The following SPATC1 variants were observed in gnomAD, a reference collection of about 807,000 sequenced individuals.
SPATC1 encodes speriolin.
Under a neutral mutation model 36.5 loss-of-function variants are expected in SPATC1, and 35 were observed. The observed-to-expected ratio is 0.96, with a 90% CI of 0.73 to 1.27. The LOEUF is 1.27. Ranked by LOEUF, SPATC1 falls within the 50% of genes most tolerant of loss-of-function variation. The pLI, the probability that SPATC1 is intolerant of heterozygous loss-of-function variation, is 0.00. For synonymous variants in SPATC1, 361 were observed against 353.6 expected, an observed-to-expected ratio of 1.02 and a Z score of -0.24; for missense variants, 779 against 796.0, an observed-to-expected ratio of 0.98 and a Z score of 0.26.
intron 1 of SPATC1, among the ~76,000 whole-genome samples, chr8:144,035,442 G>T (rs1186232245): frequency 3.3e-5 from 5 of 152,360 alleles, no homozygotes; most frequent in Admixed American, 1.3e-4. Flanking sequence ...CGGCGCCATT[G>T]TTCCTTCTGT....
chr8:144,041,213 C>T lies in SPATC1; in HGVS notation c.1307-19C>T, dbSNP rs372426257. 1.2e-4 allele frequency: 198 copies of T among 1,612,662 alleles called. No homozygotes were observed. In the African/African-American group the frequency reaches 2.1e-3, roughly 17 times the overall value. ...CCTCTCACCCTCTCACCTGGGCTGA[C>T]GAGACCCTGTGTCCCCAGAGTCGAA... On this transcript the variant is annotated intron_variant, in intron 3 of 4. Transcript: ENST00000377470.
At chr8:144,038,125 CAA>C (rs369259902) in intron 1 of SPATC1, among the ~76,000 whole-genome samples, 6 of 100,740 alleles carry the variant, frequency 6.0e-5, no homozygotes, top group African/African-American at 8.3e-5. Flanking sequence ...GACTCTGTCT[CAA>C]AAAAAAAAAA....
At chr8:144,028,733 A>G (rs1184498840) in intron 1 of SPATC1, among the ~76,000 whole-genome samples, 3 of 152,212 alleles carry the variant, frequency 2.0e-5, no homozygotes, top group Non-Finnish European at 4.4e-5. Flanking sequence ...AAATCATTCT[A>G]TTATGAAGAA....
chr8:144,043,626 T>C (rs375465676), intron 4 of SPATC1, among the ~76,000 whole-genome samples: 2 of 151,674 alleles, frequency 1.3e-5, no homozygotes, highest in South Asian at 2.1e-4. Context: ...TCCACCTGCC[T>C]CGGTCTCCCA....
chr8:144,037,934 C>A (rs1554755078), intron 1 of SPATC1, among the ~76,000 whole-genome samples: 1 of 151,802 alleles, frequency 6.6e-6, no homozygotes, highest in African/African-American at 2.4e-5. Flanking sequence ...TCAAGACCAT[C>A]CTGGCTAACA....
rs534668185 is a variant in SPATC1, at chr8:144,045,418, G to T, written c.1447-1209G>T. On this transcript the variant is annotated intron_variant, in intron 4 of 4. Coordinates refer to ENST00000377470, the MANE Select transcript of SPATC1 (RefSeq NM_198572.3). This position sits in a 1 kb window ranked among gnomAD's most constrained non-coding sequence, Gnocchi z 5.2. ...TCCAGCCCCAAGACTGGTACCCTGC[G>T]CCTGGAGCCTTCCCCGAGGGGTGGT... Among the ~76,000 whole-genome samples, 3 of 152,196 alleles carry T rather than the reference G, an allele frequency of 2.0e-5. No homozygotes were observed. The highest frequency in any genetic ancestry group is 4.4e-5 in the Non-Finnish European group (3 of 68,036).
chr8:144,019,899 T>A (rs1373389360), intron 1 of SPATC1, among the ~76,000 whole-genome samples: 1 of 149,226 alleles, frequency 6.7e-6, no homozygotes, highest in East Asian at 2.0e-4. Context: ...CGCCTCGTCC[T>A]GCTCTCCCAC....
Position 144,040,771 on chromosome 8 carries a change from A to ACCCCCCCCC in SPATC1, c.972_973insCCCCCCCCC (p.Thr324_Ser325insProProPro). 7.2e-7 allele frequency: 1 copy of ACCCCCCCCC among 1,393,718 alleles called. No homozygotes were observed. The highest frequency in any genetic ancestry group is 9.5e-7 in the Non-Finnish European group (1 of 1,056,458). The allele number at this position is 1,393,718 out of a possible 1,614,324, so 86.3% of individuals were successfully genotyped here. A position where few individuals can be genotyped will look rare whatever the true frequency, so the allele number is the denominator to read the frequency against. On this transcript the variant is annotated inframe_insertion, in exon 3 of 5. Transcript: ENST00000377470. ...ACAAGTGGTCCCTGCATCTGTCCCCACCTCCCCCACCACCTCCCCCACGGT... is the reference window on the plus strand; with the variant it reads ...ACAAGTGGTCCCTGCATCTGTCCCCACCCCCCCCCCCTCCCCCACCACCTCCCCCACGGT...
chr8:144,043,911 G>A (rs1835185280), intron 4 of SPATC1, among the ~76,000 whole-genome samples: 1 of 152,136 alleles, frequency 6.6e-6, no homozygotes, highest in Non-Finnish European at 1.5e-5. Context: ...CGCCTTGGAG[G>A]ACGGTGTGGA....
chr8:144,012,611 G>A lies in SPATC1; in HGVS notation c.96G>A (p.Arg32=). 1.3e-6 allele frequency: 2 copies of A among 1,551,748 alleles called. No individual in the cohort carries two copies. The highest frequency in any genetic ancestry group is 1.7e-6 in the Non-Finnish European group (2 of 1,147,002). The change falls in exon 1 of 5, where the codon CGG becomes CGA. Residue 32 remains arginine, a synonymous_variant. Transcript: ENST00000377470. ...EELKKLVRLI[R]ENHELKSAIK... The stretch of plus-strand genomic sequence containing the variant: ...TGAAGAAGTTGGTGCGGCTCATTCG[G>A]GAGAATCACGAGCTCAAGTCAGCGA...
intron 4 of SPATC1, among the ~76,000 whole-genome samples, chr8:144,043,845 C>T (rs905218377): frequency 4.6e-5 from 7 of 152,180 alleles, no homozygotes; most frequent in South Asian, 2.1e-4. Context: ...GGAGCCCGTC[C>T]GTGGCAGTGT....
upstream of SPATC1, among the ~76,000 whole-genome samples, chr8:144,012,239 C>G (rs1554752551): frequency 6.6e-6 from 1 of 152,222 alleles, no homozygotes; most frequent in Admixed American, 6.5e-5. Flanking sequence ...ACGGAAGAGG[C>G]ACCATGAGGG....
rs782624947 is a variant in SPATC1, at chr8:144,040,873, G to A, written c.1072G>A (p.Ala358Thr). ...CACACCCTCAAGCACCACCCACATC[G>A]CCCAGGGTGCCCCCCATCCCCCTTC... ...SYTPSSTTHI[A>T]QGAPHPPSRM... Residue 358 changes from alanine (A) to threonine (T), a missense_variant, in exon 3 of 5, where the codon GCC (alanine) becomes ACC (threonine). By Grantham distance (58) the Ala-to-Thr change is moderately conservative. Transcript: ENST00000377470. 22 of 1,546,560 alleles carry A rather than the reference G, an allele frequency of 1.4e-5. No homozygotes were observed. The highest frequency in any genetic ancestry group is 7.0e-5 in the South Asian group (6 of 85,502).
At position 144,044,822 on chromosome 8, in the gene SPATC1, G is replaced by A. The variant is rs139154371; in HGVS notation, c.1447-1805G>A. On this transcript the variant is annotated intron_variant, in intron 4 of 4. Transcript: ENST00000377470. ...ACATTAGCTGGGCGTGGAGGCATAC[G>A]CCTGTAATCCCAGCTACTTGGGAGG... Among the ~76,000 whole-genome samples, 683 of 152,172 alleles carry A rather than the reference G, an allele frequency of 4.5e-3. 4 individuals carry two copies. The highest frequency in any genetic ancestry group is 0.016 in the African/African-American group (645 of 41,554).
In SPATC1 at chr8:144,041,523, G is replaced by A. The variant is rs149933369; in HGVS notation, c.1446+152G>A. 1.3e-3 allele frequency: 1,323 copies of A among 1,044,236 alleles called. 7 individuals are homozygous for A. The African/African-American group carries it at 0.014, about 11-fold the overall frequency. 64.7% of individuals were successfully genotyped at this position (1,044,236 alleles called of 1,614,324 possible). On this transcript the variant is annotated intron_variant, in intron 4 of 4. Coordinates refer to ENST00000377470, the MANE Select transcript of SPATC1 (RefSeq NM_198572.3). Reference sequence around the variant, plus strand: ...TGCTCAGTGCCAACGGCCTGCAGGTGTTGGGGCATCTGGCAGTGGGAGCCC... The same window carrying A: ...TGCTCAGTGCCAACGGCCTGCAGGTATTGGGGCATCTGGCAGTGGGAGCCC...
At position 144,033,171 on chromosome 8, in the gene SPATC1, G is replaced by A. The variant is rs928732025; in HGVS notation, c.212-6738G>A. 2.5e-3 allele frequency among the ~76,000 whole-genome samples: 374 copies of A among 152,174 alleles called. 1 individual carries two copies. The highest frequency in any genetic ancestry group is 8.2e-3 in the African/African-American group (341 of 41,530). On this transcript the variant is annotated intron_variant, in intron 1 of 4. Coordinates refer to ENST00000377470, the MANE Select transcript of SPATC1 (RefSeq NM_198572.3). ...AGCACTTTGAGAGACCGTGGCAGGC[G>A]GATCACCTGAGGTCAGGAGTTCGAG... is the stretch of plus-strand genomic sequence containing the variant.
chr8:144,011,539 A>G, upstream of SPATC1, among the ~76,000 whole-genome samples: 1 of 152,310 alleles, frequency 6.6e-6, no homozygotes, highest in South Asian at 2.1e-4. This position sits in a 1 kb window ranked among gnomAD's most constrained non-coding sequence, Gnocchi z 4.5. Flanking sequence ...GAGGGAGAAC[A>G]GCCACAGAGC....
At position 144,046,958 on chromosome 8, in the gene SPATC1, G is replaced by A. The variant is rs782114819; in HGVS notation, c.*2G>A. ...GGCAAGCCCATGTTCATCTGGTGAC[G>A]CTGGAGCTGGGAGGTCCAGGCTCGC... On this transcript the variant is annotated 3_prime_UTR_variant, in exon 5 of 5. Coordinates refer to ENST00000377470, the MANE Select transcript of SPATC1 (RefSeq NM_198572.3). This position sits in a 1 kb window ranked among gnomAD's most constrained non-coding sequence, Gnocchi z 6.6. 5.0e-6 allele frequency: 8 copies of A among 1,593,926 alleles called. No individual in the cohort carries two copies. The highest frequency in any genetic ancestry group is 5.1e-6 in the Non-Finnish European group (6 of 1,176,920).
At chr8:144,042,175 C>G (rs1554756194) in intron 4 of SPATC1, 1 of 233,142 alleles carries the variant, frequency 4.3e-6, no homozygotes, top group African/African-American at 2.4e-5. Flanking sequence ...TGACACAGCC[C>G]AGGCTGGAGT....
Sources: allele counts gnomAD v4.1 joint callset (sites outside exome capture counted in the v4.1 genomes callset), GRCh38; gene constraint gnomAD v4.1.1; non-coding constraint Gnocchi (gnomAD v3.1); transcripts MANE v1.5; gene names NCBI Gene and HGNC (gene_info 2026-07-23, HGNC 2026-07-21).